CCDC169: variants seen among roughly 807,000 people sequenced by gnomAD.
CCDC169 encodes the protein coiled-coil domain-containing protein 169.
In CCDC169, 30 loss-of-function variants were observed where a neutral mutation model predicts 36.0. That is an observed-to-expected ratio of 0.83 (90% CI 0.62 to 1.13). The LOEUF is 1.13. Ranked by LOEUF, CCDC169 falls within the 50% of genes most tolerant of loss-of-function variation. CCDC169 has a pLI of 0.00. For missense variants in CCDC169, 245 were observed against 245.9 expected (o/e 1.00, Z 0.03); for synonymous variants, 85 against 81.5 (o/e 1.04, Z -0.23).
intron 2 of CCDC169, among the ~76,000 whole-genome samples, chr13:36,289,625 T>A (rs1053952043): frequency 2.6e-5 from 4 of 152,216 alleles, no homozygotes; most frequent in Non-Finnish European, 5.9e-5. Context: ...TTTCTTTGCC[T>A]TTCTGGTAAC....
At chr13:36,295,660 G>T in intron 2 of CCDC169, 118 bp downstream of exon 2, 1 of 506,452 alleles carries the variant, frequency 2.0e-6, no homozygotes, top group Non-Finnish European at 3.4e-6. Flanking sequence ...TGGCCAAAAA[G>T]CAATACTGAA....
intron 2 of CCDC169, among the ~76,000 whole-genome samples, chr13:36,291,217 C>T (rs1244281747): frequency 6.6e-6 from 1 of 152,162 alleles, no homozygotes; most frequent in Non-Finnish European, 1.5e-5. Flanking sequence ...CAATAAGATA[C>T]ACACTGTTAT....
At chr13:36,232,834 T>C (rs1010828136) in intron 7 of CCDC169, among the ~76,000 whole-genome samples, 10 of 151,960 alleles carry the variant, frequency 6.6e-5, no homozygotes, top group Non-Finnish European at 1.3e-4. Flanking sequence ...GAGGCAGAGG[T>C]TGCAGTGAGC....
intron 4 of CCDC169, among the ~76,000 whole-genome samples, chr13:36,262,443 G>A (rs1250787846): frequency 2.0e-5 from 3 of 152,178 alleles, no homozygotes; most frequent in African/African-American, 7.2e-5. Context: ...TGTCCTGGTA[G>A]TCTTGGACTC....
chr13:36,261,794 A>T (rs372404413), intron 4 of CCDC169, among the ~76,000 whole-genome samples: 231 of 152,264 alleles, frequency 1.5e-3, no homozygotes, highest in African/African-American at 5.1e-3. Flanking sequence ...TTGCCTCCAG[A>T]GCCTGCCCTG....
At chr13:36,268,320 C>A (rs1360551375) in intron 4 of CCDC169, among the ~76,000 whole-genome samples, 1 of 152,084 alleles carries the variant, frequency 6.6e-6, no homozygotes, top group African/African-American at 2.4e-5. Flanking sequence ...CCAAAAGGAA[C>A]CCTCAGAACT....
intron 4 of CCDC169, among the ~76,000 whole-genome samples, chr13:36,267,937 G>A (rs1442737725): frequency 2.0e-5 from 3 of 151,558 alleles, no homozygotes; most frequent in South Asian, 4.2e-4. Context: ...CCTAACACTG[G>A]AGATCCCAGA....
chr13:36,246,785 G>A (rs963071682), intron 7 of CCDC169, among the ~76,000 whole-genome samples: 1 of 152,258 alleles, frequency 6.6e-6, no homozygotes, highest in East Asian at 1.9e-4. Context: ...AAAGATGCAA[G>A]CTGAGAAAAG....
chr13:36,257,401 T>C (rs561262261), intron 4 of CCDC169, among the ~76,000 whole-genome samples: 1 of 152,276 alleles, frequency 6.6e-6, no homozygotes, highest in Admixed American at 6.5e-5. Flanking sequence ...AGCCTGGTCC[T>C]GCCTACAAAG....
rs555837671 is a variant in CCDC169, at chr13:36,260,658, C to T, written c.316-6515G>A. On this transcript the variant is annotated intron_variant, in intron 4 of 7. Transcript: ENST00000239859. ...GAGGAGTATCTAGGTTAAGGTCTTA[C>T]AACTGGTCTACTCTGTAATATCCTC... 8.5e-5 allele frequency among the ~76,000 whole-genome samples: 13 copies of T among 152,154 alleles called. 1 individual carries two copies. The highest frequency in any genetic ancestry group is 1.5e-4 in the Non-Finnish European group (10 of 68,022).
At chr13:36,293,025 G>C (rs1879090475) in intron 2 of CCDC169, among the ~76,000 whole-genome samples, 1 of 152,150 alleles carries the variant, frequency 6.6e-6, no homozygotes, top group Admixed American at 6.5e-5. Context: ...TCTTCTGATT[G>C]CTTCTCTTTT....
At position 36,231,105 on chromosome 13, in the gene CCDC169, G is replaced by T; in HGVS notation, c.*88C>A. On this transcript the variant is annotated 3_prime_UTR_variant, in exon 8 of 8. Coordinates refer to ENST00000239859, the MANE Select transcript of CCDC169 (RefSeq NM_001144981.3). ...GCAGTTCTTATCTATTTTATTCCCTGAAGAAATGTGCTGACCATTAACTTT... is the reference window on the plus strand; with the variant it reads ...GCAGTTCTTATCTATTTTATTCCCTTAAGAAATGTGCTGACCATTAACTTT... The T allele has an allele frequency of 6.8e-7, 1 of 1,470,686 alleles. No individual in the cohort carries two copies. The highest frequency in any genetic ancestry group is 1.4e-5 in the African/African-American group (1 of 70,062). The allele number at this position is 1,470,686 out of a possible 1,614,324, so 91.1% of individuals were successfully genotyped here. A position where few individuals can be genotyped will look rare whatever the true frequency, so the allele number is the denominator to read the frequency against.
chr13:36,286,448 C>T (rs1190938094), intron 2 of CCDC169, among the ~76,000 whole-genome samples: 1 of 151,960 alleles, frequency 6.6e-6, no homozygotes, highest in Non-Finnish European at 1.5e-5. Flanking sequence ...TTTGCTGCAC[C>T]CTTGGGCCTT....
At chr13:36,238,294 T>C (rs1192943214) in intron 7 of CCDC169, among the ~76,000 whole-genome samples, 1 of 152,150 alleles carries the variant, frequency 6.6e-6, no homozygotes, top group African/African-American at 2.4e-5. Flanking sequence ...TTAAATGGGG[T>C]CTGGCTCTGT....
chr13:36,248,741 G>A, intron 6 of CCDC169, 59 bp from the exon 7 acceptor site: 1 of 1,448,480 alleles, frequency 6.9e-7, no homozygotes, highest in Middle Eastern at 1.7e-4. Context: ...TCAGAAATAA[G>A]AGAGACAGTC....
intron 4 of CCDC169, among the ~76,000 whole-genome samples, chr13:36,255,903 C>T (rs773185020): frequency 6.6e-6 from 1 of 152,202 alleles, no homozygotes; most frequent in Admixed American, 6.5e-5. Context: ...GCCAAGTCCT[C>T]GTCCTCCACG....
intron 4 of CCDC169, among the ~76,000 whole-genome samples, chr13:36,254,361 C>T (rs966590542): frequency 2.6e-5 from 4 of 151,264 alleles, no homozygotes; most frequent in Admixed American, 6.6e-5. Context: ...CTGCAACCTC[C>T]GCCTCCCAGG....
At chr13:36,233,601 G>A (rs545154942) in intron 7 of CCDC169, among the ~76,000 whole-genome samples, 3 of 152,048 alleles carry the variant, frequency 2.0e-5, no homozygotes, top group African/African-American at 7.2e-5. Context: ...ATACTAATAA[G>A]AGATAGAAAT....
chr13:36,274,381 A>G (rs979399120), intron 4 of CCDC169: 7 of 152,212 alleles, frequency 4.6e-5, no homozygotes, highest in Admixed American at 3.9e-4. Context: ...AAAATGAACT[A>G]GATATCTTTA....
Sources: gnomAD v4.1 joint callset for allele counts (sites outside exome capture counted in the v4.1 genomes callset) on GRCh38, gnomAD v4.1.1 for gene constraint, MANE v1.5 for transcripts, NCBI Gene and HGNC (gene_info 2026-07-23, HGNC 2026-07-21) for gene names.